Variants in NT5DC1 observed in about 807,000 individuals in gnomAD.
NT5DC1 encodes 5'-nucleotidase domain-containing protein 1.
Under a neutral mutation model 59.4 loss-of-function variants are expected in NT5DC1, and 42 were observed. That is an observed-to-expected ratio of 0.71 (90% CI 0.55 to 0.92). The LOEUF (loss-of-function observed/expected upper bound fraction) is 0.92, where lower values mean the gene tolerates loss of function less well. Ranked by LOEUF, NT5DC1 falls within the 40% of genes least tolerant of loss-of-function variation. The pLI is 0.00. For missense variants in NT5DC1, 501 were observed against 537.1 expected, an observed-to-expected ratio of 0.93 and a Z score of 0.66; for synonymous variants, 172 against 188.1, an observed-to-expected ratio of 0.91 and a Z score of 0.70.
chr6:116,120,762 C>T (rs1333194079), intron 6 of NT5DC1: 1 of 1,612,196 alleles, frequency 6.2e-7, no homozygotes, highest in African/African-American at 1.3e-5. Context: ...CCAATAGGGC[C>T]TCTAGTACCT....
intron 6 of NT5DC1, among the ~76,000 whole-genome samples, chr6:116,188,982 C>T (rs375958794): frequency 1.3e-5 from 2 of 151,808 alleles, no homozygotes; most frequent in East Asian, 3.9e-4. Context: ...ATCATTGGCC[C>T]CACATTAGAA....
intron 6 of NT5DC1, among the ~76,000 whole-genome samples, chr6:116,168,284 C>A (rs1028827958): frequency 6.6e-6 from 1 of 151,938 alleles, no homozygotes; most frequent in Non-Finnish European, 1.5e-5. Context: ...TTCACCTTCT[C>A]TCTTTTCTTG....
At chr6:116,210,366 GAA>G (rs35069756) in intron 6 of NT5DC1, among the ~76,000 whole-genome samples, 1 of 146,592 alleles carries the variant, frequency 6.8e-6, no homozygotes, top group Non-Finnish European at 1.5e-5. Context: ...TGTACCATGT[GAA>G]AAAAAAAAAG....
In NT5DC1 at chr6:116,178,110, CGTGTGT is replaced by C. The variant is rs368898636; in HGVS notation, c.530-42925_530-42920del. 7.8e-3 allele frequency among the ~76,000 whole-genome samples: 920 copies of C among 117,538 alleles called. 16 individuals carry two copies. Among genetic ancestry groups the C allele is most frequent in the African/African-American group, 0.026 (790 of 30,810 alleles). 77.1% of individuals were successfully genotyped at this position (117,538 alleles called of 152,430 possible). ...GTGTGCGCGCGCGCGCGCGTGCGTGCGTGTGTGTGTGTGTGTGTGTGTGTTTACTAG... is the reference window on the plus strand; with the variant it reads ...GTGTGCGCGCGCGCGCGCGTGCGTGCGTGTGTGTGTGTGTGTGTTTACTAG... On this transcript the variant is annotated intron_variant, in intron 6 of 11. Coordinates refer to ENST00000319550, the MANE Select transcript of NT5DC1 (RefSeq NM_152729.3).
chr6:116,106,732 C>T (rs555096704), intron 2 of NT5DC1, among the ~76,000 whole-genome samples: 21 of 152,244 alleles, frequency 1.4e-4, no homozygotes, highest in African/African-American at 4.8e-4. Context: ...TTGAGTAAGT[C>T]TGAATTAGGA....
intron 2 of NT5DC1, among the ~76,000 whole-genome samples, chr6:116,107,864 G>T (rs867752847): frequency 6.6e-6 from 1 of 152,094 alleles, no homozygotes; most frequent in Admixed American, 6.6e-5. Context: ...GAGCCACCGC[G>T]CCTGGCCATA....
chr6:116,206,518 T>A (rs1357310091), intron 6 of NT5DC1, among the ~76,000 whole-genome samples: 1 of 151,938 alleles, frequency 6.6e-6, no homozygotes, highest in Admixed American at 6.6e-5. Flanking sequence ...TGTAATATAC[T>A]TTTATCTGTG....
intron 11 of NT5DC1, among the ~76,000 whole-genome samples, chr6:116,239,574 C>T (rs937293123): frequency 2.0e-5 from 3 of 152,162 alleles, no homozygotes; most frequent in African/African-American, 7.2e-5. Context: ...ATGTTGAGGC[C>T]TTGAAGGGCT....
chr6:116,115,620 C>A, intron 4 of NT5DC1, 71 bp from the exon 5 acceptor site: 1 of 750,838 alleles, frequency 1.3e-6, no homozygotes, highest in Non-Finnish European at 2.4e-6. Context: ...GTCTCTTCAG[C>A]CATATTCCTG....
chr6:116,141,644 A>C (rs1342026764), intron 6 of NT5DC1, among the ~76,000 whole-genome samples: 1 of 151,940 alleles, frequency 6.6e-6, no homozygotes, highest in Non-Finnish European at 1.5e-5. Flanking sequence ...TTCTAGGTTT[A>C]CTTGCAAAGG....
chr6:116,188,978 G>A (rs750374144), intron 6 of NT5DC1, among the ~76,000 whole-genome samples: 1 of 151,762 alleles, frequency 6.6e-6, no homozygotes, highest in Non-Finnish European at 1.5e-5. Context: ...CATTATCATT[G>A]GCCCCACATT....
intron 7 of NT5DC1, 120 bp from the exon 8 acceptor site, chr6:116,222,914 A>G: frequency 1.6e-6 from 1 of 610,784 alleles, no homozygotes; most frequent in Non-Finnish European, 2.9e-6. Context: ...AAAGCATGTA[A>G]AAGTTAGTCA....
At chr6:116,134,845 A>G (rs1288453764) in intron 6 of NT5DC1, among the ~76,000 whole-genome samples, 1 of 152,160 alleles carries the variant, frequency 6.6e-6, no homozygotes, top group Non-Finnish European at 1.5e-5. Context: ...GAAAGTAGGC[A>G]TGGTAGGAGG....
rs867375704 is a variant in NT5DC1, at chr6:116,147,999, T to G, written c.529+30054T>G. Among the ~76,000 whole-genome samples, 104 of 141,362 alleles carry G rather than the reference T, an allele frequency of 7.4e-4. 1 individual carries two copies. The South Asian group carries it at 0.014, about 19-fold the overall frequency. The allele number at this position is 141,362 out of a possible 152,430, so 92.7% of individuals were successfully genotyped here. A position where few individuals can be genotyped will look rare whatever the true frequency, so the allele number is the denominator to read the frequency against. On this transcript the variant is annotated intron_variant, in intron 6 of 11. Transcript: ENST00000319550. ...GACTCTGTCTCAAAAAAAAAAAAGG[T>G]GGGGGGGGTTGGAGGCACCTTGTTG...
At chr6:116,227,800 T>G (rs1242961886) in intron 8 of NT5DC1, among the ~76,000 whole-genome samples, 1 of 152,236 alleles carries the variant, frequency 6.6e-6, no homozygotes, top group Non-Finnish European at 1.5e-5. Context: ...CTCATTTTTT[T>G]AATTGGGTTA....
intron 6 of NT5DC1, among the ~76,000 whole-genome samples, chr6:116,187,351 A>G (rs1426968230): frequency 1.3e-5 from 2 of 152,096 alleles, no homozygotes; most frequent in Non-Finnish European, 2.9e-5. Flanking sequence ...CTTTATAGAA[A>G]ACTGAAGCTC....
intron 6 of NT5DC1, among the ~76,000 whole-genome samples, chr6:116,204,816 A>G (rs1023123027): frequency 3.9e-5 from 6 of 152,026 alleles, no homozygotes; most frequent in African/African-American, 1.4e-4. Flanking sequence ...CAACAAGTAG[A>G]ACAATGAATA....
intron 6 of NT5DC1, among the ~76,000 whole-genome samples, chr6:116,158,175 C>T (rs1780245153): frequency 6.6e-6 from 1 of 152,092 alleles, no homozygotes; most frequent in South Asian, 2.1e-4. Context: ...TCTACATTGA[C>T]AATACTGGTT....
intron 10 of NT5DC1, 63 bp downstream of exon 10, chr6:116,238,411 C>A: frequency 1.1e-5 from 11 of 1,012,200 alleles, no homozygotes; most frequent in South Asian, 1.0e-4. Context: ...GCTAAAGTAT[C>A]TTTATACTAC....
Sources: allele counts gnomAD v4.1 joint callset (sites outside exome capture counted in the v4.1 genomes callset), GRCh38; gene constraint gnomAD v4.1.1; transcripts MANE v1.5; gene names NCBI Gene and HGNC (gene_info 2026-07-23, HGNC 2026-07-21).